PLA2G4C: variants seen among roughly 807,000 people sequenced by gnomAD.
PLA2G4C encodes the protein phospholipase A2 group IVC.
A neutral mutation model predicts 73.8 loss-of-function variants in PLA2G4C; 64 were observed. That is an observed-to-expected ratio of 0.87 (90% CI 0.71 to 1.07). The LOEUF is 1.07. PLA2G4C is among the 50% of genes least tolerant of loss of function. The pLI is 0.00. For synonymous variants in PLA2G4C, 254 were observed against 252.1 expected, an observed-to-expected ratio of 1.01 and a Z score of -0.07; for missense variants, 622 against 665.4, an observed-to-expected ratio of 0.93 and a Z score of 0.72.
chr19:48,098,528 G>A (rs2031725946), intron 5 of PLA2G4C, among the ~76,000 whole-genome samples: 1 of 151,024 alleles, frequency 6.6e-6, no homozygotes, highest in South Asian at 2.1e-4. Flanking sequence ...TTGCTATGTT[G>A]CCCAGGCTGG....
At chr19:48,050,402 G>A (rs1967680426) in intron 16 of PLA2G4C, among the ~76,000 whole-genome samples, 1 of 152,110 alleles carries the variant, frequency 6.6e-6, no homozygotes, top group Non-Finnish European at 1.5e-5. Context: ...TTGCGACCCT[G>A]AGGTCATTGA....
chr19:48,077,805 T>A lies in PLA2G4C; in HGVS notation c.864A>T (p.Gln288His). ...HLIFARLLRL[Q>H]ESSQGEHPPP... ...GAGGATGTTCCCCTTGTGAACTTTC[T>A]TGCAGCCTCAGTAATCGGGCTGCAA... Residue 288 changes from glutamine (Q) to histidine (H), a missense_variant, in exon 11 of 17, where the codon CAA becomes CAT. Transcript: ENST00000599921. 1 of 1,607,596 alleles carries A rather than the reference T, an allele frequency of 6.2e-7. No homozygotes were observed. The highest frequency in any genetic ancestry group is 1.1e-5 in the South Asian group (1 of 89,824).
intron 13 of PLA2G4C, among the ~76,000 whole-genome samples, chr19:48,066,019 G>C (rs1864106): frequency 0.69 from 105,021 of 151,338 alleles, 37,172 homozygotes; most frequent in African/African-American, 0.76. Context: ...CCCAGGAGGC[G>C]GAGGTTGCGG....
intron 15 of PLA2G4C, among the ~76,000 whole-genome samples, chr19:48,054,473 AT>A (rs201733263): frequency 1.3e-3 from 179 of 141,576 alleles, no homozygotes; most frequent in African/African-American, 4.5e-3. Flanking sequence ...CCAGCAATTT[AT>A]TTTTTTTTGT....
rs1170750942 is a variant in PLA2G4C, at chr19:48,110,778, G to A, written c.-324C>T. 2 of 395,460 alleles carry A rather than the reference G, an allele frequency of 5.1e-6. No individual in the cohort carries two copies. The highest frequency in any genetic ancestry group is 3.9e-5 in the East Asian group (1 of 25,432). 24.5% of individuals were successfully genotyped at this position (395,460 alleles called of 1,614,324 possible). ...CCTGCGCCTTTAAACAGCCCTCCTC[G>A]GCTTGTAGGCCCTGCTTGGTTGCTC... On this transcript the variant is annotated 5_prime_UTR_variant, in exon 1 of 17. Transcript: ENST00000599921.
intron 13 of PLA2G4C, among the ~76,000 whole-genome samples, chr19:48,066,536 C>T (rs1968428510): frequency 6.6e-6 from 1 of 152,066 alleles, no homozygotes; most frequent in Non-Finnish European, 1.5e-5. Flanking sequence ...GGGTTCCCTT[C>T]CCAGGCCACA....
In PLA2G4C at chr19:48,097,354, G is replaced by A. The variant is rs538311198; in HGVS notation, c.568+785C>T. The stretch of plus-strand genomic sequence containing the variant: ...TGCAACCTCCGCCTCCCGGGTTCAC[G>A]CCATTCTCCTGCCTCAGCCTCCCGA... On this transcript the variant is annotated intron_variant, in intron 6 of 16. Coordinates refer to ENST00000599921, the MANE Select transcript of PLA2G4C (RefSeq NM_003706.3). 2.0e-4 allele frequency among the ~76,000 whole-genome samples: 28 copies of A among 142,452 alleles called. No individual in the cohort carries two copies. In the South Asian group the frequency reaches 6.3e-3, roughly 32 times the overall value. 93.5% of individuals were successfully genotyped at this position (142,452 alleles called of 152,430 possible).
At chr19:48,087,856 C>A (rs1394631551) in intron 9 of PLA2G4C, among the ~76,000 whole-genome samples, 1 of 151,680 alleles carries the variant, frequency 6.6e-6, no homozygotes, top group Non-Finnish European at 1.5e-5. Flanking sequence ...ATTCCTTGAA[C>A]CTGGGAGGCG....
At chr19:48,090,998 C>T (rs553424632) in intron 7 of PLA2G4C, among the ~76,000 whole-genome samples, 11 of 129,912 alleles carry the variant, frequency 8.5e-5, no homozygotes, top group Non-Finnish European at 8.3e-5. Flanking sequence ...AGAGAGAGAC[C>T]CTGACTTCAA....
At position 48,110,474 on chromosome 19, in the gene PLA2G4C, C is replaced by G. The variant is rs1310603343; in HGVS notation, c.-33+13G>C. The G allele has an allele frequency of 7.1e-7, 1 of 1,401,764 alleles. No individual in the cohort carries two copies. The allele number at this position is 1,401,764 out of a possible 1,614,324, so 86.8% of individuals were successfully genotyped here. ...AGCGGGATGAAACAGCCCTCCCTGC[C>G]CCCACGGCTTGCCTGAGCCTGGGTC... On this transcript the variant is annotated intron_variant, in intron 1 of 16. Coordinates refer to ENST00000599921, the MANE Select transcript of PLA2G4C (RefSeq NM_003706.3).
chr19:48,073,867 A>G (rs11564613), intron 12 of PLA2G4C, among the ~76,000 whole-genome samples: 52,411 of 151,706 alleles, frequency 0.35, 9,751 homozygotes, highest in South Asian at 0.42. Context: ...AATCACCAAG[A>G]GGATGACGCT....
Position 48,057,480 on chromosome 19 carries a change from C to CT in PLA2G4C, c.1258-2432dup, listed in dbSNP as rs1260409498. On this transcript the variant is annotated intron_variant, in intron 14 of 16. Coordinates refer to ENST00000599921, the MANE Select transcript of PLA2G4C (RefSeq NM_003706.3). ...GTTTCTTCTTCTTCTTCTTCTTCTT[C>CT]TTCTTTTTTTTTTTTTTTTTTTTTT... Among the ~76,000 whole-genome samples the CT allele has an allele frequency of 1.1e-3, 30 of 28,076 alleles. 3 individuals are homozygous for CT. The highest frequency in any genetic ancestry group is 1.3e-3 in the Non-Finnish European group (20 of 15,108). The allele number at this position is 28,076 out of a possible 152,430, so 18.4% of individuals were successfully genotyped here.
At chr19:48,055,819 A>G (rs1422653112) in intron 14 of PLA2G4C, among the ~76,000 whole-genome samples, 1 of 151,694 alleles carries the variant, frequency 6.6e-6, no homozygotes, top group Non-Finnish European at 1.5e-5. Context: ...TATTTAGTAG[A>G]GACAGGGTTT....
intron 12 of PLA2G4C, among the ~76,000 whole-genome samples, chr19:48,071,027 GAGAT>G (rs1477811809): frequency 6.6e-6 from 1 of 152,136 alleles, no homozygotes; most frequent in East Asian, 1.9e-4. Flanking sequence ...TAGATAGATA[GAGAT>G]AGATAGCTAT....
intron 10 of PLA2G4C, among the ~76,000 whole-genome samples, chr19:48,084,681 TGC>T (rs2030868317): frequency 6.6e-6 from 1 of 152,224 alleles, no homozygotes. Context: ...GTTTACTGAG[TGC>T]CTTTATCTAC....
chr19:48,058,070 G>A (rs551518909), intron 14 of PLA2G4C, among the ~76,000 whole-genome samples: 13 of 151,734 alleles, frequency 8.6e-5, no homozygotes, highest in African/African-American at 3.1e-4. Flanking sequence ...AGGCTGAGGT[G>A]GGCAGATCAC....
chr19:48,086,312 G>T (rs1030485065), intron 9 of PLA2G4C, among the ~76,000 whole-genome samples: 4 of 152,086 alleles, frequency 2.6e-5, no homozygotes, highest in Non-Finnish European at 5.9e-5. Context: ...CCAAGTGTGT[G>T]GGATCCGCGT....
intron 14 of PLA2G4C, among the ~76,000 whole-genome samples, chr19:48,058,458 G>A (rs543004619): frequency 6.6e-6 from 1 of 152,212 alleles, no homozygotes; most frequent in East Asian, 1.9e-4. Context: ...ACATAAAACA[G>A]AAATATCATG....
intron 9 of PLA2G4C, among the ~76,000 whole-genome samples, chr19:48,086,564 A>G (rs382588): frequency 0.065 from 9,898 of 152,112 alleles, 647 homozygotes; most frequent in African/African-American, 0.17. Flanking sequence ...AAGGACGGAA[A>G]CTTTTGGGAA....
Sources: gnomAD v4.1 joint callset for allele counts (sites outside exome capture counted in the v4.1 genomes callset) on GRCh38, gnomAD v4.1.1 for gene constraint, MANE v1.5 for transcripts, NCBI Gene and HGNC (gene_info 2026-07-23, HGNC 2026-07-21) for gene names.